ARHGAP27: variants seen among roughly 807,000 people sequenced by gnomAD.
ARHGAP27 encodes rho GTPase-activating protein 27.
A neutral mutation model predicts 102.0 loss-of-function variants in ARHGAP27; 53 were observed. The observed-to-expected ratio is 0.52, with a 90% CI of 0.42 to 0.65. The LOEUF (loss-of-function observed/expected upper bound fraction) is 0.65. ARHGAP27 is among the 30% of genes least tolerant of loss of function. ARHGAP27 has a pLI of 0.00. For synonymous variants in ARHGAP27, 525 were observed against 542.8 expected (o/e 0.97, Z 0.46); for missense variants, 1,117 against 1,256.2 (o/e 0.89, Z 1.68).
intron 4 of ARHGAP27, among the ~76,000 whole-genome samples, chr17:45,422,552 A>G (rs1338592743): frequency 1.3e-5 from 2 of 152,224 alleles, no homozygotes; most frequent in Admixed American, 6.5e-5. Context: ...TATAAACAAT[A>G]GAAGGGTGAA....
In ARHGAP27 at chr17:45,404,332, G is replaced by A; in HGVS notation, c.1416C>T (p.Val472=). ...PAQASPPEEK[V]PAELDEVGSW... is the part of the protein sequence containing the mutation. ...TCCCAACCTCATCCAGCTCTGCTGG[G>A]ACCTATGGGGGAAGACAGATAGATC... Residue 472 remains valine (V), a splice_region_variant and synonymous_variant, in exon 9 of 20, where the codon GTC becomes GTT. Transcript: ENST00000685559. 1.2e-6 allele frequency: 2 copies of A among 1,614,008 alleles called. No individual in the cohort carries two copies. The highest frequency in any genetic ancestry group is 1.7e-6 in the Non-Finnish European group (2 of 1,179,962).
rs2045384491 is a variant in ARHGAP27, at chr17:45,394,638, C to G, written c.*818G>C. On this transcript the variant is annotated 3_prime_UTR_variant, in exon 20 of 20. Transcript: ENST00000685559. ...ATTTTCCCCCTACCCAGGCTGTACT[C>G]TGGTGTGGGAGGAGCCTTTTCTGGG... 1.3e-5 allele frequency: 2 copies of G among 152,322 alleles called. No homozygotes were observed. The highest frequency in any genetic ancestry group is 4.8e-5 in the African/African-American group (2 of 41,470). The allele number at this position is 152,322 out of a possible 1,614,324, so 9.4% of individuals were successfully genotyped here.
intron 3 of ARHGAP27, among the ~76,000 whole-genome samples, chr17:45,431,271 ATCTG>A (rs1405649638): frequency 3.3e-5 from 5 of 152,094 alleles, no homozygotes; most frequent in African/African-American, 1.2e-4. Flanking sequence ...GCCTAACTAA[ATCTG>A]TCTGCGCCCC....
intron 4 of ARHGAP27, among the ~76,000 whole-genome samples, chr17:45,425,403 T>A (rs1252875337): frequency 6.6e-6 from 1 of 152,094 alleles, no homozygotes; most frequent in Non-Finnish European, 1.5e-5. Flanking sequence ...TCAGTCACAG[T>A]GGCCTCGGGC....
chr17:45,404,861 TAGTG>T lies in ARHGAP27; in HGVS notation c.1248+59_1248+62del, dbSNP rs2046936887. ...GGTTTAGAGCACTGAGGCGACCTAT[TAGTG>T]AGGAAGGTTGTGGGGAGGACTCTGA... On this transcript the variant is annotated intron_variant, in intron 6 of 19. Transcript: ENST00000685559. 8.7e-6 allele frequency: 14 copies of T among 1,609,312 alleles called. No individual in the cohort carries two copies. In the South Asian group the frequency reaches 1.5e-4, roughly 18 times the overall value.
intron 4 of ARHGAP27, chr17:45,407,519 CTT>C (rs3973543): frequency 4.9e-5 from 7 of 143,020 alleles, no homozygotes; most frequent in Non-Finnish European, 7.6e-5. Flanking sequence ...TCTTTTTTTT[CTT>C]TTTTTTTTTT....
intron 4 of ARHGAP27, among the ~76,000 whole-genome samples, chr17:45,410,988 C>T (rs1025549038): frequency 6.6e-6 from 1 of 152,106 alleles, no homozygotes; most frequent in Non-Finnish European, 1.5e-5. Context: ...CCTCCAGACT[C>T]GGTCACCAAG....
chr17:45,404,936 GAAGT>G lies in ARHGAP27; in HGVS notation c.1232_1235del (p.His411ProfsTer7). 6.2e-7 allele frequency: 1 copy of G among 1,614,116 alleles called. No homozygotes were observed. Among genetic ancestry groups the G allele is most frequent in the Non-Finnish European group, 8.5e-7 (1 of 1,179,994 alleles). The stretch of plus-strand genomic sequence containing the variant: ...CCCCTGCCCCTACCTGCTCCTGAGT[GAAGT>G]GGTTGGTGTAGAGCATCTGCTTGTC... On this transcript the variant is annotated frameshift_variant, in exon 6 of 20. Transcript: ENST00000685559. LOFTEE classifies it high-confidence loss of function.
chr17:45,422,684 A>C (rs7212049), intron 4 of ARHGAP27, among the ~76,000 whole-genome samples: 4,646 of 152,256 alleles, frequency 0.031, 206 homozygotes, highest in African/African-American at 0.099. Flanking sequence ...GTTAAATATA[A>C]AAAGCAAAAA....
At chr17:45,417,973 G>A (rs547196926) in intron 4 of ARHGAP27, among the ~76,000 whole-genome samples, 1 of 147,268 alleles carries the variant, frequency 6.8e-6, no homozygotes, top group Non-Finnish European at 1.5e-5. Flanking sequence ...AGAATGGCGT[G>A]AACTCGGGAG....
At chr17:45,415,529 G>A (rs2048365794) in intron 4 of ARHGAP27, among the ~76,000 whole-genome samples, 1 of 152,118 alleles carries the variant, frequency 6.6e-6, no homozygotes, top group Non-Finnish European at 1.5e-5. Flanking sequence ...GTCGAAAACC[G>A]TGTGCCCCAA....
At chr17:45,396,848 G>A (rs2045790946) in intron 14 of ARHGAP27, 58 bp from the exon 15 acceptor site, 1 of 1,606,900 alleles carries the variant, frequency 6.2e-7, no homozygotes, top group Non-Finnish European at 8.5e-7. Context: ...GGCCAGGCAG[G>A]CCCCAGCAAC....
At chr17:45,419,471 C>A (rs2048803207) in intron 4 of ARHGAP27, among the ~76,000 whole-genome samples, 1 of 136,094 alleles carries the variant, frequency 7.3e-6, no homozygotes, top group Admixed American at 7.6e-5. Context: ...ACAATATATA[C>A]TATGCTGTGT....
Position 45,421,055 on chromosome 17 carries a change from G to A in ARHGAP27, c.657+8568C>T, listed in dbSNP as rs190585216. ...TGAGATTCAAATTTGCAGCCTGGAA[G>A]GTCAAGAAGAAACATCAAACCTCAG... On this transcript the variant is annotated intron_variant, in intron 4 of 19. Transcript: ENST00000685559. 5.2e-4 allele frequency among the ~76,000 whole-genome samples: 75 copies of A among 145,328 alleles called. 1 individual carries two copies. Among genetic ancestry groups the A allele is most frequent in the Middle Eastern group, 6.8e-3 (2 of 292 alleles).
chr17:45,415,634 T>A (rs2048374916), intron 4 of ARHGAP27, among the ~76,000 whole-genome samples: 1 of 152,238 alleles, frequency 6.6e-6, no homozygotes, highest in Non-Finnish European at 1.5e-5. Flanking sequence ...TGCCTCCTGC[T>A]GGCTTTGCCT....
At chr17:45,429,512 T>G (rs2049889657) in intron 4 of ARHGAP27, 111 bp downstream of exon 4, 1 of 1,524,960 alleles carries the variant, frequency 6.6e-7, no homozygotes. Flanking sequence ...CGGACAGAGG[T>G]GGGCGTCGTG....
intron 4 of ARHGAP27, among the ~76,000 whole-genome samples, chr17:45,420,950 C>CAA (rs201730388): frequency 0.012 from 825 of 68,550 alleles, 22 homozygotes; most frequent in African/African-American, 0.033. Flanking sequence ...GACTCCATCT[C>CAA]AAAAAAAAAA....
chr17:45,413,463 A>G (rs181006512), intron 4 of ARHGAP27, among the ~76,000 whole-genome samples: 1 of 152,124 alleles, frequency 6.6e-6, no homozygotes, highest in East Asian at 1.9e-4. Flanking sequence ...AGCTGCTTGA[A>G]TTTCTGGGCC....
chr17:45,432,824 C>G lies in ARHGAP27; in HGVS notation c.-357G>C, dbSNP rs1001238096. 6.5e-6 allele frequency: 1 copy of G among 152,968 alleles called. No individual in the cohort carries two copies. The highest frequency in any genetic ancestry group is 1.5e-5 in the Non-Finnish European group (1 of 68,160). 9.5% of individuals were successfully genotyped at this position (152,968 alleles called of 1,614,324 possible). ...GCGCGTGGGCTCGGCGTCCCGCGCT[C>G]CCTCCTCGACTGTGCGGCTCCCGCG... On this transcript the variant is annotated 5_prime_UTR_variant, in exon 1 of 20. Transcript: ENST00000685559.
Sources: allele counts gnomAD v4.1 joint callset (sites outside exome capture counted in the v4.1 genomes callset), GRCh38; gene constraint gnomAD v4.1.1; transcripts MANE v1.5; gene names NCBI Gene and HGNC (gene_info 2026-07-23, HGNC 2026-07-21).